Variants in PALS2 observed in about 807,000 individuals in gnomAD.
PALS2 encodes protein associated with LIN7 2, MAGUK p55 family member, also known as protein PALS2.
A neutral mutation model predicts 61.6 loss-of-function variants in PALS2; 27 were observed. That is an observed-to-expected ratio of 0.44 (90% CI 0.32 to 0.60). The LOEUF is 0.60. Among genes scored for constraint, PALS2 ranks in the 20% least tolerant of loss-of-function variants. The pLI is 0.05. For missense variants in PALS2, 554 were observed against 639.4 expected (o/e 0.87, Z 1.44); for synonymous variants, 236 against 218.6 (o/e 1.08, Z -0.70).
intron 1 of PALS2, among the ~76,000 whole-genome samples, chr7:24,585,234 A>G (rs1006120172): frequency 6.6e-6 from 1 of 151,876 alleles, no homozygotes; most frequent in Non-Finnish European, 1.5e-5. Flanking sequence ...ATGGCATTGA[A>G]TCTGTAAATT....
chr7:24,606,911 A>G (rs1393386107), intron 1 of PALS2, among the ~76,000 whole-genome samples: 1 of 152,172 alleles, frequency 6.6e-6, no homozygotes, highest in African/African-American at 2.4e-5. Flanking sequence ...CTTCATGTAC[A>G]CTTTGTGTAC....
At chr7:24,622,870 T>C in intron 1 of PALS2, among the ~76,000 whole-genome samples, 1 of 151,840 alleles carries the variant, frequency 6.6e-6, no homozygotes. Context: ...TATTTTTAGT[T>C]TGGTGAATGT....
At chr7:24,616,745 ATTCTCT>A (rs2128054075) in intron 1 of PALS2, among the ~76,000 whole-genome samples, 1 of 152,194 alleles carries the variant, frequency 6.6e-6, no homozygotes, top group South Asian at 2.1e-4. Context: ...TGTTTCTTAC[ATTCTCT>A]TATTGTTTAT....
intron 2 of PALS2, among the ~76,000 whole-genome samples, chr7:24,631,775 C>A (rs1396830744): frequency 1.3e-5 from 2 of 152,224 alleles, no homozygotes; most frequent in African/African-American, 4.8e-5. Flanking sequence ...AGACCTTACA[C>A]AGGCAAAAAG....
chr7:24,620,412 C>T (rs1784450344), intron 1 of PALS2, among the ~76,000 whole-genome samples: 1 of 152,092 alleles, frequency 6.6e-6, no homozygotes, highest in African/African-American at 2.4e-5. Context: ...TGATTGACAG[C>T]ATTATAATAT....
chr7:24,610,507 T>C (rs1015534228), intron 1 of PALS2, among the ~76,000 whole-genome samples: 1 of 152,228 alleles, frequency 6.6e-6, no homozygotes, highest in Non-Finnish European at 1.5e-5. Context: ...AAAGTCCTAC[T>C]TTTCTTTGAT....
chr7:24,651,756 T>C (rs1333478983), intron 5 of PALS2, among the ~76,000 whole-genome samples: 1 of 152,226 alleles, frequency 6.6e-6, no homozygotes, highest in Non-Finnish European at 1.5e-5. Flanking sequence ...TGAATGAAAT[T>C]ATAAGTTTTC....
At chr7:24,595,022 A>G (rs972105451) in intron 1 of PALS2, among the ~76,000 whole-genome samples, 1 of 152,234 alleles carries the variant, frequency 6.6e-6, no homozygotes, top group Middle Eastern at 3.4e-3. Flanking sequence ...GTGAAGCACA[A>G]TAAAATGAAG....
intron 9 of PALS2, among the ~76,000 whole-genome samples, chr7:24,673,194 G>A (rs796649342): frequency 6.6e-6 from 1 of 152,098 alleles, no homozygotes; most frequent in East Asian, 1.9e-4. Flanking sequence ...TTGATAGGAT[G>A]TATTGCATTC....
chr7:24,684,044 C>T (rs373479636), intron 11 of PALS2, among the ~76,000 whole-genome samples: 1 of 152,144 alleles, frequency 6.6e-6, no homozygotes, highest in African/African-American at 2.4e-5. Context: ...AACAGTCCCC[C>T]CAACTGCCCA....
chr7:24,639,320 T>A (rs1000743893), intron 2 of PALS2, among the ~76,000 whole-genome samples: 3 of 152,212 alleles, frequency 2.0e-5, no homozygotes, highest in African/African-American at 7.2e-5. Flanking sequence ...TCACCAGTAA[T>A]GTGAACTCAC....
chr7:24,641,678 A>G (rs1396936730), intron 2 of PALS2, 38 bp from the exon 3 acceptor site: 2 of 1,489,312 alleles, frequency 1.3e-6, no homozygotes, highest in South Asian at 1.3e-5. Context: ...CAAATAACAA[A>G]TAAGTATTAC....
chr7:24,668,511 A>T lies in PALS2; in HGVS notation c.965A>T (p.His322Leu). 6.2e-7 allele frequency: 1 copy of T among 1,611,566 alleles called. No individual in the cohort carries two copies. The highest frequency in any genetic ancestry group is 8.5e-7 in the Non-Finnish European group (1 of 1,179,008). Residue 322 changes from histidine (H) to leucine (L), a missense_variant, in exon 9 of 12, where the codon CAT becomes CTT. Coordinates refer to ENST00000222644, the MANE Select transcript of PALS2 (RefSeq NM_001303037.2). Reference sequence around the variant, plus strand: ...CTTTTTCATTTAGAATTTGATCGTCATGAAATCCAGATATATGAGGAGGTA... The same window carrying T: ...CTTTTTCATTTAGAATTTGATCGTCTTGAAATCCAGATATATGAGGAGGTA... ...LTTRNAEFDR[H>L]EIQIYEEVAK...
At chr7:24,584,044 C>G (rs1782957268) in intron 1 of PALS2, among the ~76,000 whole-genome samples, 1 of 149,798 alleles carries the variant, frequency 6.7e-6, no homozygotes, top group Admixed American at 6.7e-5. Context: ...GCCACATTTT[C>G]TTAATCCAGT....
intron 11 of PALS2, among the ~76,000 whole-genome samples, chr7:24,683,037 A>G (rs1266848066): frequency 6.6e-6 from 1 of 152,216 alleles, no homozygotes; most frequent in Non-Finnish European, 1.5e-5. Context: ...GCTTTTTGTC[A>G]TAAGATTAAT....
At chr7:24,604,028 A>C (rs1220667028) in intron 1 of PALS2, among the ~76,000 whole-genome samples, 1 of 152,042 alleles carries the variant, frequency 6.6e-6, no homozygotes, top group Non-Finnish European at 1.5e-5. Flanking sequence ...CAAATTGGCT[A>C]TTTAGAATAT....
Position 24,687,429 on chromosome 7 carries a change from C to G in PALS2, c.1447-9C>G. Reference sequence around the variant, plus strand: ...AATACAAACATTTCCTTTTAAAACTCTTCAACAGGACTCTGACTTGAAGAA... The same window carrying G: ...AATACAAACATTTCCTTTTAAAACTGTTCAACAGGACTCTGACTTGAAGAA... On this transcript the variant is annotated splice_polypyrimidine_tract_variant and intron_variant, in intron 11 of 11. Coordinates refer to ENST00000222644, the MANE Select transcript of PALS2 (RefSeq NM_001303037.2). The surrounding 1 kb of genome is among the most constrained non-coding windows in gnomAD (Gnocchi z 4.5). 1 of 1,603,578 alleles carries G rather than the reference C, an allele frequency of 6.2e-7. No individual in the cohort carries two copies.
chr7:24,592,003 A>G (rs987401075), intron 1 of PALS2, among the ~76,000 whole-genome samples: 5 of 152,068 alleles, frequency 3.3e-5, no homozygotes, highest in Admixed American at 3.3e-4. Flanking sequence ...GTGGCACAAA[A>G]TAAACTATGA....
intron 1 of PALS2, among the ~76,000 whole-genome samples, chr7:24,583,947 T>C (rs915676470): frequency 2.0e-5 from 3 of 151,198 alleles, no homozygotes; most frequent in African/African-American, 4.9e-5. Context: ...TTACTGAGAA[T>C]GATGATTTCC....
Sources: allele counts gnomAD v4.1 joint callset (sites outside exome capture counted in the v4.1 genomes callset), GRCh38; gene constraint gnomAD v4.1.1; non-coding constraint Gnocchi (gnomAD v3.1); transcripts MANE v1.5; gene names NCBI Gene and HGNC (gene_info 2026-07-23, HGNC 2026-07-21).